TSNARE1: variants seen among roughly 807,000 people sequenced by gnomAD.
TSNARE1 encodes t-SNARE domain-containing protein 1.
A neutral mutation model predicts 62.0 loss-of-function variants in TSNARE1; 49 were observed. That is an observed-to-expected ratio of 0.79 (90% CI 0.63 to 1.00). TSNARE1 has a LOEUF of 1.00. TSNARE1 is among the 50% of genes least tolerant of loss of function. TSNARE1 has a pLI of 0.00. For synonymous variants in TSNARE1, 328 were observed against 294.4 expected, an observed-to-expected ratio of 1.11 and a Z score of -1.17; for missense variants, 755 against 700.1, an observed-to-expected ratio of 1.08 and a Z score of -0.88.
chr8:142,306,520 C>T (rs1226271673), intron 9 of TSNARE1, among the ~76,000 whole-genome samples: 2 of 152,182 alleles, frequency 1.3e-5, no homozygotes, highest in African/African-American at 2.4e-5. Context: ...CTGAAAACTA[C>T]GGACCACAGC....
intron 11 of TSNARE1, chr8:142,275,201 C>A: frequency 6.1e-6 from 6 of 985,376 alleles, no homozygotes; most frequent in Non-Finnish European, 7.2e-6. Flanking sequence ...CATGACCTTG[C>A]CTGGGCCAGC....
At chr8:142,263,523 G>A (rs976778779) in intron 12 of TSNARE1, among the ~76,000 whole-genome samples, 4 of 152,176 alleles carry the variant, frequency 2.6e-5, no homozygotes, top group African/African-American at 4.8e-5. Context: ...CATCCTATGC[G>A]TTTAGGAATT....
At chr8:142,325,891 C>T (rs1467900766) in intron 6 of TSNARE1, among the ~76,000 whole-genome samples, 4 of 147,516 alleles carry the variant, frequency 2.7e-5, no homozygotes, top group Non-Finnish European at 4.5e-5. Flanking sequence ...GAGCACGAGA[C>T]GGATGACGAA....
chr8:142,401,235 G>A (rs1752802644), intron 1 of TSNARE1, among the ~76,000 whole-genome samples: 1 of 152,086 alleles, frequency 6.6e-6, no homozygotes, highest in Non-Finnish European at 1.5e-5. Context: ...CCTGCTAGGT[G>A]CTTATCCTAC....
At chr8:142,229,389 G>T in intron 13 of TSNARE1, 84 bp downstream of exon 13, 1 of 1,096,158 alleles carries the variant, frequency 9.1e-7, no homozygotes, top group Non-Finnish European at 1.4e-6. Context: ...GATGGTGGAT[G>T]GTTAGATGGA....
intron 12 of TSNARE1, among the ~76,000 whole-genome samples, chr8:142,267,845 C>T (rs1210029384): frequency 4.6e-5 from 7 of 152,328 alleles, no homozygotes; most frequent in South Asian, 2.1e-4. Context: ...AGTGTGGATA[C>T]GAATCCCACT....
chr8:142,344,104 G>A lies in TSNARE1; in HGVS notation c.607C>T (p.Arg203Trp), dbSNP rs201236230. ...GGGCTGGGGCCATGGGCCGCCTTCC[G>A]GAGGTCGCCCAGCTTGCGCCGCACG... ...AVVRRKLGDL[R>W]KAAHGPSPGS... Residue 203 changes from arginine (R) to tryptophan (W), a missense_variant, in exon 4 of 14, where the codon CGG becomes TGG. Arg to Trp is a moderately radical substitution (Grantham distance 101). Transcript: ENST00000524325. 82 of 1,610,894 alleles carry A rather than the reference G, an allele frequency of 5.1e-5. No homozygotes were observed. Among genetic ancestry groups the A allele is most frequent in the East Asian group, 3.8e-4 (17 of 44,808 alleles).
intron 1 of TSNARE1, among the ~76,000 whole-genome samples, chr8:142,369,335 A>G (rs1433435848): frequency 6.6e-6 from 1 of 152,234 alleles, no homozygotes; most frequent in Non-Finnish European, 1.5e-5. Flanking sequence ...AGCTGGACTC[A>G]ACCCCACATA....
chr8:142,356,180 G>A (rs1486648073), intron 1 of TSNARE1, among the ~76,000 whole-genome samples: 3 of 152,218 alleles, frequency 2.0e-5, no homozygotes, highest in Non-Finnish European at 4.4e-5. Flanking sequence ...GGCCCAGCAG[G>A]ACAGCTGGAC....
At position 142,325,175 on chromosome 8, in the gene TSNARE1, C is replaced by T. The variant is rs1005259522; in HGVS notation, c.893+5726G>A. 9.2e-5 allele frequency among the ~76,000 whole-genome samples: 14 copies of T among 152,260 alleles called. 1 individual carries two copies. In the East Asian group the frequency reaches 1.5e-3, roughly 17 times the overall value. On this transcript the variant is annotated intron_variant, in intron 6 of 13. Transcript: ENST00000524325. ...GACTGAGCGGGCCTGGAAGTGAGGC[C>T]GGCAGAGGGCAGCGCGGGCAGAAGC...
chr8:142,353,621 TG>T (rs1834394448), intron 2 of TSNARE1, among the ~76,000 whole-genome samples: 1 of 152,246 alleles, frequency 6.6e-6, no homozygotes, highest in East Asian at 1.9e-4. Flanking sequence ...TCTGCAGGGC[TG>T]GGGGTGGGAA....
chr8:142,307,421 C>T (rs906405417), intron 9 of TSNARE1, among the ~76,000 whole-genome samples: 1 of 152,130 alleles, frequency 6.6e-6, no homozygotes, highest in African/African-American at 2.4e-5. Flanking sequence ...GGGGAGTGGC[C>T]GAGGACTTCC....
intron 12 of TSNARE1, among the ~76,000 whole-genome samples, chr8:142,230,176 T>C (rs543006003): frequency 7.2e-5 from 11 of 152,326 alleles, no homozygotes; most frequent in African/African-American, 2.4e-4. Context: ...GAAGGCTTCA[T>C]GTAGAAGGCT....
At chr8:142,260,021 G>C (rs558941434) in intron 12 of TSNARE1, among the ~76,000 whole-genome samples, 4 of 151,754 alleles carry the variant, frequency 2.6e-5, no homozygotes, top group Non-Finnish European at 5.9e-5. Flanking sequence ...CTCACCCTCT[G>C]CACTCCCCCA....
At chr8:142,383,953 G>C (rs879582744) in intron 1 of TSNARE1, among the ~76,000 whole-genome samples, 3 of 152,176 alleles carry the variant, frequency 2.0e-5, no homozygotes, top group Non-Finnish European at 2.9e-5. Context: ...CAAGAACAGA[G>C]AGGGCAGGCA....
At chr8:142,333,712 C>A (rs1325877810) in intron 4 of TSNARE1, among the ~76,000 whole-genome samples, 1 of 152,230 alleles carries the variant, frequency 6.6e-6, no homozygotes, top group African/African-American at 2.4e-5. Context: ...CTGTGCACCC[C>A]TGGCTCCCCA....
At chr8:142,280,444 C>T (rs966221682) in intron 11 of TSNARE1, 1 of 496,552 alleles carries the variant, frequency 2.0e-6, no homozygotes, top group South Asian at 8.8e-5. Flanking sequence ...CGCATCGGCA[C>T]CCAGCATAGG....
chr8:142,301,367 T>G (rs1216252221), intron 9 of TSNARE1, among the ~76,000 whole-genome samples: 1 of 110,788 alleles, frequency 9.0e-6, no homozygotes, highest in African/African-American at 3.6e-5. Flanking sequence ...GCCCTGCCCA[T>G]GCCAGCAGGC....
intron 11 of TSNARE1, chr8:142,278,005 T>G (rs564322699): frequency 1.0e-6 from 1 of 985,354 alleles, no homozygotes; most frequent in East Asian, 1.1e-4. Flanking sequence ...GAATCTGCCC[T>G]TCAGGAGACA....
Sources: gnomAD v4.1 joint callset for allele counts (sites outside exome capture counted in the v4.1 genomes callset) on GRCh38, gnomAD v4.1.1 for gene constraint, MANE v1.5 for transcripts, NCBI Gene and HGNC (gene_info 2026-07-23, HGNC 2026-07-21) for gene names.